SAMD4A: variants seen among roughly 807,000 people sequenced by gnomAD.
SAMD4A encodes sterile alpha motif domain containing 4A.
SAMD4A carries 33 observed loss-of-function variants against 81.3 expected under a neutral mutation model. The ratio of observed to expected loss-of-function variants is 0.41; its 90% CI spans 0.31 to 0.54. The LOEUF (loss-of-function observed/expected upper bound fraction) is 0.54. Ranked by LOEUF, SAMD4A falls within the 20% of genes least tolerant of loss-of-function variation. SAMD4A has a pLI of 0.37. For missense variants in SAMD4A, 854 were observed against 951.1 expected (o/e 0.90, Z 1.34); for synonymous variants, 389 against 382.1 (o/e 1.02, Z -0.21).
At chr14:54,692,445 G>A (rs112013796) in intron 2 of SAMD4A, among the ~76,000 whole-genome samples, 43 of 152,284 alleles carry the variant, frequency 2.8e-4, no homozygotes, top group African/African-American at 1.0e-3. Flanking sequence ...AAATATTATT[G>A]CAGTTAGGTT....
chr14:54,776,315 T>C (rs1336632941), intron 10 of SAMD4A, 99 bp from the exon 11 acceptor site: 3 of 1,294,792 alleles, frequency 2.3e-6, no homozygotes, highest in Non-Finnish European at 3.2e-6. Context: ...GAAGTTAGAG[T>C]TCTCCTGGGA....
intron 2 of SAMD4A, among the ~76,000 whole-genome samples, chr14:54,591,725 G>A (rs1274263695): frequency 1.3e-5 from 2 of 152,092 alleles, no homozygotes; most frequent in African/African-American, 4.8e-5. Flanking sequence ...CATTTACATA[G>A]TGTAGTGTAT....
At chr14:54,685,304 T>G (rs748686333) in intron 2 of SAMD4A, among the ~76,000 whole-genome samples, 1 of 139,490 alleles carries the variant, frequency 7.2e-6, no homozygotes, top group South Asian at 2.5e-4. Flanking sequence ...GCAGCCACCA[T>G]TCTGCTTTCT....
intron 2 of SAMD4A, among the ~76,000 whole-genome samples, chr14:54,701,311 TC>T (rs2036711527): frequency 1.3e-5 from 2 of 152,286 alleles, no homozygotes; most frequent in Admixed American, 1.3e-4. Context: ...CTGTGAATGT[TC>T]CTAATGCCAC....
At chr14:54,718,566 G>T (rs1227667755) in intron 3 of SAMD4A, among the ~76,000 whole-genome samples, 4 of 152,118 alleles carry the variant, frequency 2.6e-5, no homozygotes. Context: ...TGTTGTTGTT[G>T]TTGTTGTTGT....
At chr14:54,584,077 G>A (rs1398260821) in intron 2 of SAMD4A, among the ~76,000 whole-genome samples, 1 of 152,128 alleles carries the variant, frequency 6.6e-6, no homozygotes, top group Non-Finnish European at 1.5e-5. Context: ...CTTTAAAAGT[G>A]ACCTTTGAGC....
intron 2 of SAMD4A, among the ~76,000 whole-genome samples, chr14:54,699,845 G>C (rs2036667665): frequency 6.6e-6 from 1 of 152,140 alleles, no homozygotes; most frequent in African/African-American, 2.4e-5. Context: ...GTGATTCTGA[G>C]TCTTTCATTA....
intron 2 of SAMD4A, among the ~76,000 whole-genome samples, chr14:54,596,998 A>G (rs2033926472): frequency 6.6e-6 from 1 of 152,230 alleles, no homozygotes; most frequent in Non-Finnish European, 1.5e-5. Flanking sequence ...AGCCCCATGC[A>G]GAAGTGTTTT....
chr14:54,631,117 A>T (rs2034894616), intron 2 of SAMD4A, among the ~76,000 whole-genome samples: 1 of 151,994 alleles, frequency 6.6e-6, no homozygotes, highest in Non-Finnish European at 1.5e-5. Context: ...AAAGCAGGAA[A>T]AGGCTAATGT....
At chr14:54,593,121 A>G (rs1199479916) in intron 2 of SAMD4A, among the ~76,000 whole-genome samples, 1 of 152,212 alleles carries the variant, frequency 6.6e-6, no homozygotes, top group Admixed American at 6.5e-5. Context: ...TGAATGTGCT[A>G]TTTGTAATGG....
At chr14:54,721,819 C>T (rs1317170080) in intron 3 of SAMD4A, among the ~76,000 whole-genome samples, 1 of 152,128 alleles carries the variant, frequency 6.6e-6, no homozygotes, top group Non-Finnish European at 1.5e-5. Flanking sequence ...ATAAGAGATT[C>T]TGCTGTTCTG....
At chr14:54,767,196 A>G (rs554035111) in intron 8 of SAMD4A, among the ~76,000 whole-genome samples, 8 of 152,346 alleles carry the variant, frequency 5.3e-5, no homozygotes, top group Admixed American at 4.6e-4. Context: ...CTGTGTGGGT[A>G]GAACACGCCC....
At chr14:54,747,031 G>C (rs529352280) in intron 4 of SAMD4A, among the ~76,000 whole-genome samples, 6 of 152,308 alleles carry the variant, frequency 3.9e-5, no homozygotes, top group Middle Eastern at 3.4e-3. Flanking sequence ...AGGATAGAAG[G>C]TTCCAGACTC....
chr14:54,711,947 T>C (rs947898588), intron 3 of SAMD4A, among the ~76,000 whole-genome samples: 13 of 152,202 alleles, frequency 8.5e-5, no homozygotes, highest in African/African-American at 3.1e-4. Context: ...GTCCTTCCTC[T>C]TCCTTTTGCC....
At chr14:54,757,382 T>TG (rs1464252995) in intron 6 of SAMD4A, among the ~76,000 whole-genome samples, 4 of 122,760 alleles carry the variant, frequency 3.3e-5, no homozygotes, top group African/African-American at 6.4e-5. Context: ...GGTTTCTTTA[T>TG]TTGTGTGTGT....
intron 3 of SAMD4A, among the ~76,000 whole-genome samples, chr14:54,731,037 C>A (rs988836457): frequency 1.3e-5 from 2 of 152,112 alleles, no homozygotes; most frequent in African/African-American, 4.8e-5. Flanking sequence ...AAATTGAAAG[C>A]CTTTAGTGGT....
At chr14:54,709,423 C>A (rs949752602) in intron 3 of SAMD4A, among the ~76,000 whole-genome samples, 2 of 151,810 alleles carry the variant, frequency 1.3e-5, no homozygotes, top group African/African-American at 4.9e-5. Flanking sequence ...TACGTATTTT[C>A]ATTCATCGAG....
intron 2 of SAMD4A, among the ~76,000 whole-genome samples, chr14:54,676,553 T>A (rs2035998852): frequency 6.6e-6 from 1 of 152,134 alleles, no homozygotes; most frequent in South Asian, 2.1e-4. Flanking sequence ...ATTTTTTTTT[T>A]TTTATTTCTA....
intron 2 of SAMD4A, among the ~76,000 whole-genome samples, chr14:54,691,075 T>C (rs542373923): frequency 6.6e-6 from 1 of 152,324 alleles, no homozygotes; most frequent in South Asian, 2.1e-4. Flanking sequence ...CTGCCTGCAC[T>C]GGGCTGTGTG....
Sources: gnomAD v4.1 joint callset for allele counts (sites outside exome capture counted in the v4.1 genomes callset) on GRCh38, gnomAD v4.1.1 for gene constraint, MANE v1.5 for transcripts, NCBI Gene and HGNC (gene_info 2026-07-23, HGNC 2026-07-21) for gene names.